Variants in CWC27 observed in about 807,000 individuals in gnomAD.
The protein encoded by CWC27 is spliceosome-associated protein CWC27 homolog.
In CWC27, 47 loss-of-function variants were observed where a neutral mutation model predicts 63.6. That is an observed-to-expected ratio of 0.74 (90% CI 0.58 to 0.94). The LOEUF is 0.94. CWC27 is among the 40% of genes least tolerant of loss of function. CWC27 has a pLI of 0.00. For synonymous variants in CWC27, 175 were observed against 179.8 expected, an observed-to-expected ratio of 0.97 and a Z score of 0.22; for missense variants, 495 against 554.3, an observed-to-expected ratio of 0.89 and a Z score of 1.07.
intron 2 of CWC27, among the ~76,000 whole-genome samples, chr5:64,777,536 A>G (rs1385751630): frequency 6.6e-6 from 1 of 152,154 alleles, no homozygotes; most frequent in Non-Finnish European, 1.5e-5. Context: ...GTCAAAATAT[A>G]TGATAATGCC....
Position 64,785,513 on chromosome 5 carries a change from A to G in CWC27, c.429A>G (p.Arg143=). 1 of 1,549,828 alleles carries G rather than the reference A, an allele frequency of 6.5e-7. No individual in the cohort carries two copies. The highest frequency in any genetic ancestry group is 8.7e-7 in the Non-Finnish European group (1 of 1,155,546). The change falls in exon 5 of 14, where the codon CGA becomes CGG. Residue 143 remains arginine, a synonymous_variant. Coordinates refer to ENST00000381070, the MANE Select transcript of CWC27 (RefSeq NM_005869.4). ...GGGATACAGTATATAACATGTTGCG[A>G]CTGTCAGAAGTAGACATTGATGATG... ...VTGDTVYNML[R]LSEVDIDDDE...
intron 10 of CWC27, among the ~76,000 whole-genome samples, chr5:64,851,592 T>C (rs1746134994): frequency 6.6e-6 from 1 of 152,234 alleles, no homozygotes; most frequent in South Asian, 2.1e-4. Context: ...AAGTGATGGA[T>C]GTTAACTAGC....
intron 10 of CWC27, among the ~76,000 whole-genome samples, chr5:64,837,633 G>A (rs190302320): frequency 6.6e-6 from 1 of 151,160 alleles, no homozygotes; most frequent in African/African-American, 2.4e-5. Context: ...AGCAAGTTCA[G>A]GGTTAAAGAA....
intron 11 of CWC27, among the ~76,000 whole-genome samples, chr5:64,918,633 T>C (rs1446710287): frequency 6.6e-6 from 1 of 152,218 alleles, no homozygotes; most frequent in Admixed American, 6.5e-5. Flanking sequence ...ATCTAGAAAG[T>C]ATCTATATTA....
intron 10 of CWC27, chr5:64,808,093 G>A (rs1277113859): frequency 9.4e-6 from 11 of 1,175,462 alleles, no homozygotes; most frequent in Non-Finnish European, 1.2e-5. Context: ...TATTTAAAGT[G>A]TGATCTGTGA....
chr5:64,992,024 C>G (rs1272935006), intron 13 of CWC27, among the ~76,000 whole-genome samples: 10 of 152,112 alleles, frequency 6.6e-5, no homozygotes, highest in Non-Finnish European at 1.5e-4. Flanking sequence ...CGTGCTTTTT[C>G]ACTCTAACTC....
intron 11 of CWC27, among the ~76,000 whole-genome samples, chr5:64,907,680 G>A (rs1220645612): frequency 6.6e-6 from 1 of 152,094 alleles, no homozygotes; most frequent in Non-Finnish European, 1.5e-5. Flanking sequence ...GATTGCCCTG[G>A]CCAGAACTTC....
At chr5:64,905,180 G>A (rs1044112220) in intron 11 of CWC27, among the ~76,000 whole-genome samples, 55 of 119,934 alleles carry the variant, frequency 4.6e-4, no homozygotes, top group African/African-American at 1.8e-3. Flanking sequence ...CAGCCTGGGC[G>A]ACAGAGCCAC....
intron 10 of CWC27, among the ~76,000 whole-genome samples, chr5:64,806,107 A>G (rs944787113): frequency 1.3e-5 from 2 of 151,940 alleles, no homozygotes; most frequent in Non-Finnish European, 2.9e-5. Flanking sequence ...CAGACATTTA[A>G]AGCTTAGTTT....
Position 64,958,081 on chromosome 5 carries a change from G to C in CWC27, c.1043-13622G>C, listed in dbSNP as rs1014384238. On this transcript the variant is annotated intron_variant, in intron 11 of 13. Transcript: ENST00000381070. The stretch of plus-strand genomic sequence containing the variant: ...AATTTTGTATTTTGATAGGAGTAGG[G>C]CTTTAAAACAGGTTTTTTTTTTAAT... 1.4e-4 allele frequency among the ~76,000 whole-genome samples: 21 copies of C among 152,002 alleles called. 1 individual carries two copies. The South Asian group carries it at 1.7e-3, about 12-fold the overall frequency.
At chr5:65,007,412 A>G (rs1266060004) in intron 13 of CWC27, among the ~76,000 whole-genome samples, 1 of 152,174 alleles carries the variant, frequency 6.6e-6, no homozygotes, top group Non-Finnish European at 1.5e-5. Flanking sequence ...ATATTGCTCT[A>G]CTTGGGTTGC....
chr5:64,981,376 AG>A (rs1749329381), intron 13 of CWC27, among the ~76,000 whole-genome samples: 1 of 152,232 alleles, frequency 6.6e-6, no homozygotes, highest in African/African-American at 2.4e-5. Flanking sequence ...AGCAATATGC[AG>A]TGACTACTTT....
At chr5:64,901,423 A>C (rs1747507778) in intron 11 of CWC27, among the ~76,000 whole-genome samples, 1 of 149,750 alleles carries the variant, frequency 6.7e-6, no homozygotes, top group Non-Finnish European at 1.5e-5. Flanking sequence ...GCACCACTAC[A>C]CTCCAGCCTG....
At chr5:64,857,313 C>T (rs1244654674) in intron 10 of CWC27, among the ~76,000 whole-genome samples, 3 of 150,154 alleles carry the variant, frequency 2.0e-5, no homozygotes, top group African/African-American at 5.1e-5. Context: ...AGAAGATGCT[C>T]AGTCAGGATA....
intron 10 of CWC27, among the ~76,000 whole-genome samples, chr5:64,833,334 T>C (rs536501557): frequency 5.3e-5 from 8 of 151,884 alleles, no homozygotes; most frequent in African/African-American, 1.7e-4. Context: ...CTGTATTTTG[T>C]TTATACTATT....
chr5:64,820,107 T>C (rs576941233), intron 10 of CWC27, among the ~76,000 whole-genome samples: 2 of 152,382 alleles, frequency 1.3e-5, no homozygotes, highest in African/African-American at 4.8e-5. Flanking sequence ...GTTGATGCTG[T>C]GTATTTATTT....
chr5:64,938,849 T>C (rs1025221075), intron 11 of CWC27, among the ~76,000 whole-genome samples: 5 of 152,314 alleles, frequency 3.3e-5, no homozygotes, highest in Middle Eastern at 6.8e-3. Context: ...CTTTATTTCA[T>C]TAAGTTGATT....
chr5:64,801,469 T>C (rs1432031597), intron 9 of CWC27, 137 bp downstream of exon 9: 5 of 731,072 alleles, frequency 6.8e-6, no homozygotes, highest in Non-Finnish European at 9.8e-6. Context: ...TGGAAAAATA[T>C]GAAAAACAGA....
intron 11 of CWC27, among the ~76,000 whole-genome samples, chr5:64,967,797 G>C (rs1452318973): frequency 6.6e-6 from 1 of 151,718 alleles, no homozygotes; most frequent in African/African-American, 2.4e-5. Flanking sequence ...TAACAGAAAA[G>C]CTAAAATTTT....
Sources: allele counts gnomAD v4.1 joint callset (sites outside exome capture counted in the v4.1 genomes callset), GRCh38; gene constraint gnomAD v4.1.1; transcripts MANE v1.5; gene names NCBI Gene and HGNC (gene_info 2026-07-23, HGNC 2026-07-21).